The following OPRM1 variants were observed in gnomAD, a reference collection of about 807,000 sequenced individuals.
The protein encoded by OPRM1 is mu-type opioid receptor.
Under a neutral mutation model 31.8 loss-of-function variants are expected in OPRM1, and 27 were observed. That is an observed-to-expected ratio of 0.85 (90% CI 0.63 to 1.17). The LOEUF (loss-of-function observed/expected upper bound fraction) is 1.17. OPRM1 is among the 50% of genes most tolerant of loss of function. The pLI is 0.00. For synonymous variants in OPRM1, 196 were observed against 189.9 expected, an observed-to-expected ratio of 1.03 and a Z score of -0.26; for missense variants, 536 against 511.1, an observed-to-expected ratio of 1.05 and a Z score of -0.47.
exon 1 of OPRM1, chr6:154,011,013 T>A: frequency 7.7e-7 from 1 of 1,290,696 alleles, no homozygotes. Flanking sequence ...AATAGCATGG[T>A]CCAGGGTAGG....
At chr6:154,234,175 G>A (rs1779933077) in intron 3 of OPRM1, among the ~76,000 whole-genome samples, 1 of 152,074 alleles carries the variant, frequency 6.6e-6, no homozygotes. Context: ...ACCACTGGAG[G>A]ACAGTGAGAC....
intron 1 of OPRM1, among the ~76,000 whole-genome samples, chr6:154,071,961 T>C (rs1293692729): frequency 6.6e-6 from 1 of 152,236 alleles, no homozygotes; most frequent in Non-Finnish European, 1.5e-5. Context: ...TTCTATGGAA[T>C]TTTGTTCCAC....
At chr6:154,067,536 T>C (rs1159482861) in intron 1 of OPRM1, among the ~76,000 whole-genome samples, 1 of 151,918 alleles carries the variant, frequency 6.6e-6, no homozygotes, top group Admixed American at 6.6e-5. Flanking sequence ...ATATAATATT[T>C]ATTTTTTTAA....
intron 3 of OPRM1, among the ~76,000 whole-genome samples, chr6:154,141,859 CT>C (rs36038078): frequency 0.26 from 40,026 of 152,048 alleles, 5,472 homozygotes; most frequent in Middle Eastern, 0.33. Flanking sequence ...CAGTTCCCGG[CT>C]TGAATTTTCC....
chr6:154,092,953 T>C (rs2128489781), intron 3 of OPRM1, among the ~76,000 whole-genome samples: 1 of 152,350 alleles, frequency 6.6e-6, no homozygotes, highest in East Asian at 1.9e-4. Context: ...CTCTACGTTT[T>C]TTTCCACATC....
At chr6:154,200,692 G>T (rs1439661845) in intron 3 of OPRM1, among the ~76,000 whole-genome samples, 1 of 152,220 alleles carries the variant, frequency 6.6e-6, no homozygotes, top group African/African-American at 2.4e-5. Flanking sequence ...CTGCACTCCA[G>T]TCTGGGTGAC....
At chr6:154,235,617 C>T (rs554860567) in intron 3 of OPRM1, among the ~76,000 whole-genome samples, 1 of 151,692 alleles carries the variant, frequency 6.6e-6, no homozygotes, top group Non-Finnish European at 1.5e-5. Context: ...TGCCTTCCTG[C>T]AATGTGAAGT....
chr6:154,090,180 T>C lies in OPRM1; in HGVS notation c.643+2T>C. On this transcript the variant is annotated splice_donor_variant, in intron 2 of 3. Coordinates refer to ENST00000330432, the MANE Select transcript of OPRM1 (RefSeq NM_000914.5). LOFTEE classifies it high-confidence loss of function. ...TGGCTACAACAAAATACAGGCAAGG[T>C]GAGTGATGTTACCAGCCTGAGGGAA... 6.3e-7 allele frequency: 1 copy of C among 1,597,280 alleles called. No homozygotes were observed. The highest frequency in any genetic ancestry group is 8.6e-7 in the Non-Finnish European group (1 of 1,166,798).
At chr6:154,138,159 T>C (rs1798105715) in intron 3 of OPRM1, among the ~76,000 whole-genome samples, 1 of 152,194 alleles carries the variant, frequency 6.6e-6, no homozygotes, top group African/African-American at 2.4e-5. Context: ...AGCATATTCT[T>C]AAACTCTCTG....
chr6:154,022,628 T>G (rs190107695), intron 1 of OPRM1, among the ~76,000 whole-genome samples: 1 of 152,204 alleles, frequency 6.6e-6, no homozygotes, highest in South Asian at 2.1e-4. Flanking sequence ...AAATTTTTGC[T>G]GAGACCAACG....
rs1455040795 is a variant in OPRM1, at chr6:154,209,672, A to T, written c.1165-37021A>T. ...AAAAAAAAAAAAAAAGTTACTATAT[A>T]TTTTTTTTATTTCATCTGTTTAAAT... On this transcript the variant is annotated intron_variant, in intron 3 of 3. Transcript: ENST00000337049. 4.6e-5 allele frequency among the ~76,000 whole-genome samples: 7 copies of T among 150,970 alleles called. No homozygotes were observed. In the South Asian group the frequency reaches 1.0e-3, roughly 23 times the overall value.
chr6:154,147,395 G>A (rs1049454302), intron 3 of OPRM1, among the ~76,000 whole-genome samples: 11 of 152,108 alleles, frequency 7.2e-5, no homozygotes, highest in East Asian at 1.9e-4. Context: ...TAAAGCCTTC[G>A]GTGATACATT....
rs138918848 is a variant in OPRM1, at chr6:154,212,753, C to T, written c.1165-33940C>T. ...TGTCTGATCGATGACCAACAGACTA[C>T]TTATGTCGGTACATACCAAAGACTG... On this transcript the variant is annotated intron_variant, in intron 3 of 3. Transcript: ENST00000337049. 8,901 of 1,551,574 alleles carry T rather than the reference C, an allele frequency of 5.7e-3. 36 individuals are homozygous for T. Among genetic ancestry groups the T allele is most frequent in the Non-Finnish European group, 6.9e-3 (7,786 of 1,123,016 alleles).
chr6:154,226,614 G>A (rs766282360), intron 3 of OPRM1, among the ~76,000 whole-genome samples: 55 of 152,024 alleles, frequency 3.6e-4, no homozygotes, highest in African/African-American at 1.1e-3. Context: ...TTGAATTACC[G>A]CAAAAGTCTC....
rs1796228476 is a variant in OPRM1, at chr6:154,110,557, C to A, written c.1165-8126C>A. The A allele has an allele frequency of 2.0e-5, 12 of 611,798 alleles. No individual in the cohort carries two copies. In the South Asian group the frequency reaches 2.1e-4, roughly 11 times the overall value. 37.9% of individuals were successfully genotyped at this position (611,798 alleles called of 1,614,324 possible). On this transcript the variant is annotated intron_variant, in intron 3 of 3. Transcript: ENST00000330432. ...TATGGTTGCTTAAGGGATCCCTTCACAAGCAGGAGTTTCCGAGCTCTTTTG... is the reference window on the plus strand; with the variant it reads ...TATGGTTGCTTAAGGGATCCCTTCAAAAGCAGGAGTTTCCGAGCTCTTTTG...
chr6:154,155,614 T>C (rs1329130781), intron 3 of OPRM1: 1 of 151,812 alleles, frequency 6.6e-6, no homozygotes, highest in Non-Finnish European at 1.5e-5. Context: ...CTGGGCAACA[T>C]GGTAAACCCC....
In OPRM1 at chr6:154,131,587, T is replaced by G. The variant is rs1252847289; in HGVS notation, c.*12866T>G. Among the ~76,000 whole-genome samples, 1 of 152,206 alleles carries G rather than the reference T, an allele frequency of 6.6e-6. No individual in the cohort carries two copies. Among genetic ancestry groups the G allele is most frequent in the African/African-American group, 2.4e-5 (1 of 41,458 alleles). ...AGGGTGACATTTTAATTTACAGTAG[T>G]CCAGACACCTAAACAGGACATAGAA... On this transcript the variant is annotated 3_prime_UTR_variant, in exon 4 of 4. Coordinates refer to ENST00000330432, the MANE Select transcript of OPRM1 (RefSeq NM_000914.5).
chr6:154,209,199 C>T (rs1205520193), intron 3 of OPRM1, among the ~76,000 whole-genome samples: 1 of 152,048 alleles, frequency 6.6e-6, no homozygotes, highest in East Asian at 1.9e-4. Context: ...TTATTTTATA[C>T]TGTTGAGTTC....
chr6:154,026,791 T>G (rs1487795294), intron 1 of OPRM1, among the ~76,000 whole-genome samples: 1 of 152,212 alleles, frequency 6.6e-6, no homozygotes, highest in African/African-American at 2.4e-5. Flanking sequence ...TAATTTCTGT[T>G]TTATTATTTT....
Sources: allele counts gnomAD v4.1 joint callset (sites outside exome capture counted in the v4.1 genomes callset), GRCh38; gene constraint gnomAD v4.1.1; transcripts MANE v1.5; gene names NCBI Gene and HGNC (gene_info 2026-07-23, HGNC 2026-07-21).